Variants in TIAM1 observed in about 807,000 individuals in gnomAD.
TIAM1 encodes rho guanine nucleotide exchange factor TIAM1.
TIAM1 carries 65 observed loss-of-function variants against 163.5 expected under a neutral mutation model. That is an observed-to-expected ratio of 0.40 (90% CI 0.33 to 0.49). TIAM1 has a LOEUF of 0.49. Ranked by LOEUF, TIAM1 falls within the 20% of genes least tolerant of loss-of-function variation. The probability of loss-of-function intolerance (pLI) is 0.77; values close to 1 mark genes in which losing one functional copy is unlikely to be tolerated. For synonymous variants in TIAM1, 833 were observed against 810.1 expected (o/e 1.03, Z -0.48); for missense variants, 1,789 against 2,044.7 (o/e 0.87, Z 2.41).
chr21:31,529,015 G>A (rs1231948147), intron 1 of TIAM1, among the ~76,000 whole-genome samples: 3 of 148,554 alleles, frequency 2.0e-5, no homozygotes, highest in African/African-American at 5.0e-5. Context: ...TCCGCCTCCC[G>A]GGTTCACGCC....
rs563410361 is a variant in TIAM1, at chr21:31,146,394, GCT to G, written c.3475+499_3475+500del. On this transcript the variant is annotated intron_variant, in intron 20 of 27. Coordinates refer to ENST00000541036, the MANE Select transcript of TIAM1 (RefSeq NM_001353694.2). ...GTTCCAGCCCAAGTGACAGAGCAAG[GCT>G]CTGTGTCAAAAAAAAAAAAAAAAAA... Among the ~76,000 whole-genome samples the G allele has an allele frequency of 2.6e-3, 318 of 120,450 alleles. 1 individual carries two copies. The highest frequency in any genetic ancestry group is 0.011 in the African/African-American group (305 of 28,936). 79.0% of individuals were successfully genotyped at this position (120,450 alleles called of 152,430 possible).
At position 31,153,145 on chromosome 21, in the gene TIAM1, A is replaced by T. The variant is rs747609432; in HGVS notation, c.3172-11T>A. The stretch of plus-strand genomic sequence containing the variant: ...AAGACAGTTTAAATCCTAAGAATTG[A>T]AAAGAGAACTCATTAGCTTATGTGT... On this transcript the variant is annotated splice_polypyrimidine_tract_variant and intron_variant, in intron 17 of 27. Coordinates refer to ENST00000541036, the MANE Select transcript of TIAM1 (RefSeq NM_001353694.2). 1 of 1,600,420 alleles carries T rather than the reference A, an allele frequency of 6.2e-7. No individual in the cohort carries two copies. The highest frequency in any genetic ancestry group is 1.1e-5 in the South Asian group (1 of 88,366).
intron 2 of TIAM1, among the ~76,000 whole-genome samples, chr21:31,412,156 C>T (rs986244737): frequency 6.6e-6 from 1 of 152,086 alleles, no homozygotes; most frequent in South Asian, 2.1e-4. Context: ...AACTGGACGC[C>T]GTTATCTTAA....
chr21:31,362,869 T>C (rs1012106096), intron 2 of TIAM1, among the ~76,000 whole-genome samples: 2 of 152,182 alleles, frequency 1.3e-5, no homozygotes, highest in Non-Finnish European at 2.9e-5. Flanking sequence ...TTGTATTTTC[T>C]GATTAGGATG....
intron 2 of TIAM1, among the ~76,000 whole-genome samples, chr21:31,448,821 C>T (rs138036137): frequency 1.2e-4 from 18 of 152,184 alleles, no homozygotes; most frequent in African/African-American, 2.2e-4. Context: ...GCATGGGTTT[C>T]GGGTCAGAAA....
At chr21:31,404,819 A>C (rs148186585) in intron 2 of TIAM1, among the ~76,000 whole-genome samples, 15 of 152,300 alleles carry the variant, frequency 9.8e-5, no homozygotes, top group African/African-American at 2.4e-4. Flanking sequence ...TCTTGTAAGT[A>C]AGTCCACAAT....
chr21:31,270,790 C>A (rs2073022303), intron 3 of TIAM1, among the ~76,000 whole-genome samples: 1 of 152,084 alleles, frequency 6.6e-6, no homozygotes. Flanking sequence ...CAAGACAATT[C>A]TTCTTCTTCC....
intron 15 of TIAM1, among the ~76,000 whole-genome samples, chr21:31,167,245 C>T (rs1329157606): frequency 6.6e-6 from 1 of 151,944 alleles, no homozygotes; most frequent in Admixed American, 6.6e-5. Context: ...GTGTGCACCA[C>T]CATGTCCGGC....
At chr21:31,469,737 C>A (rs2045669894) in intron 1 of TIAM1, among the ~76,000 whole-genome samples, 1 of 151,870 alleles carries the variant, frequency 6.6e-6, no homozygotes, top group African/African-American at 2.4e-5. Flanking sequence ...AAGGCTGAGG[C>A]AGAAGAATGG....
At chr21:31,287,941 T>C (rs2073875909) in intron 2 of TIAM1, among the ~76,000 whole-genome samples, 2 of 152,118 alleles carry the variant, frequency 1.3e-5, no homozygotes, top group South Asian at 2.1e-4. Flanking sequence ...AGTGAGTGCC[T>C]TGGAGTAGTG....
chr21:31,451,739 G>A (rs2044859573), intron 2 of TIAM1, among the ~76,000 whole-genome samples: 1 of 147,652 alleles, frequency 6.8e-6, no homozygotes, highest in African/African-American at 2.5e-5. Context: ...GTGTGTGTGT[G>A]TGTGTGTGTG....
At chr21:31,300,287 T>G (rs1307454031) in intron 2 of TIAM1, among the ~76,000 whole-genome samples, 1 of 152,182 alleles carries the variant, frequency 6.6e-6, no homozygotes, top group East Asian at 1.9e-4. Context: ...TACAGAACGG[T>G]GAGCCAATTA....
intron 1 of TIAM1, among the ~76,000 whole-genome samples, chr21:31,511,570 G>A (rs1028902245): frequency 2.0e-5 from 3 of 152,284 alleles, no homozygotes; most frequent in Middle Eastern, 3.4e-3. Flanking sequence ...TACTTACGCA[G>A]CAATCAATGC....
chr21:31,138,420 C>T (rs1568897268), intron 22 of TIAM1, among the ~76,000 whole-genome samples: 1 of 152,232 alleles, frequency 6.6e-6, no homozygotes. Context: ...AATAAACCTG[C>T]TGTTACCAGC....
chr21:31,251,058 T>C (rs1437871643), intron 5 of TIAM1, among the ~76,000 whole-genome samples: 3 of 152,212 alleles, frequency 2.0e-5, no homozygotes, highest in Admixed American at 6.5e-5. Flanking sequence ...TCTACCAATT[T>C]TTTCCTTTAA....
intron 2 of TIAM1, among the ~76,000 whole-genome samples, chr21:31,329,756 C>T (rs532223745): frequency 4.3e-4 from 66 of 152,298 alleles, no homozygotes; most frequent in African/African-American, 1.5e-3. Context: ...GCTGCCCAAG[C>T]CGACAGGCTG....
chr21:31,525,238 G>A (rs528595449), intron 1 of TIAM1, among the ~76,000 whole-genome samples: 108 of 151,806 alleles, frequency 7.1e-4, no homozygotes, highest in African/African-American at 2.5e-3. Context: ...GCATGGTGGC[G>A]CACACCTGTA....
chr21:31,343,441 A>G (rs2076077420), intron 1 of TIAM1, among the ~76,000 whole-genome samples: 1 of 152,210 alleles, frequency 6.6e-6, no homozygotes, highest in African/African-American at 2.4e-5. Context: ...AAATTGACTT[A>G]GGCAATCGAT....
At chr21:31,439,297 T>C (rs2044334900) in intron 2 of TIAM1, among the ~76,000 whole-genome samples, 1 of 152,202 alleles carries the variant, frequency 6.6e-6, no homozygotes, top group Non-Finnish European at 1.5e-5. Context: ...TTTTTGTTCG[T>C]CTGTTTGTTT....
Sources: allele counts gnomAD v4.1 joint callset (sites outside exome capture counted in the v4.1 genomes callset), GRCh38; gene constraint gnomAD v4.1.1; transcripts MANE v1.5; gene names NCBI Gene and HGNC (gene_info 2026-07-23, HGNC 2026-07-21).